The following TARS1 variants were observed in gnomAD, a reference collection of about 807,000 sequenced individuals.
The protein encoded by TARS1 is threonyl-tRNA synthetase 1, also known as threonine--tRNA ligase 1, cytoplasmic.
Under a neutral mutation model 97.7 loss-of-function variants are expected in TARS1, and 57 were observed. That is an observed-to-expected ratio of 0.58 (90% CI 0.47 to 0.73). TARS1 has a LOEUF of 0.73. Among genes scored for constraint, TARS1 ranks in the 30% least tolerant of loss-of-function variants. The pLI, the probability that TARS1 is intolerant of heterozygous loss-of-function variation, is 0.00. For synonymous variants in TARS1, 312 were observed against 293.7 expected, an observed-to-expected ratio of 1.06 and a Z score of -0.64; for missense variants, 806 against 888.3, an observed-to-expected ratio of 0.91 and a Z score of 1.18.
intron 18 of TARS1, 116 bp downstream of exon 18, chr5:33,467,101 G>T: frequency 2.5e-6 from 1 of 392,212 alleles, no homozygotes; most frequent in Non-Finnish European, 4.4e-6. Context: ...TTCCAGTCCT[G>T]ATTTTTTTTC....
At chr5:33,457,470 A>G in intron 9 of TARS1, 67 bp downstream of exon 9, 1 of 1,550,926 alleles carries the variant, frequency 6.4e-7, no homozygotes, top group Non-Finnish European at 8.8e-7. Flanking sequence ...TTTGAAATTC[A>G]GCTGCATGAA....
intron 18 of TARS1, among the ~76,000 whole-genome samples, 176 bp downstream of exon 18, chr5:33,467,161 A>T (rs578159787): frequency 5.0e-5 from 6 of 119,540 alleles, no homozygotes; most frequent in African/African-American, 2.0e-4. Flanking sequence ...TCATGCATAC[A>T]TACTGGGTTT....
intron 4 of TARS1, among the ~76,000 whole-genome samples, chr5:33,453,911 G>C (rs1219116109): frequency 6.6e-6 from 1 of 151,764 alleles, no homozygotes; most frequent in Non-Finnish European, 1.5e-5. Context: ...GTAGAGATGG[G>C]GTTTCACCAT....
At chr5:33,447,241 ATTTTG>A (rs888108573) in intron 2 of TARS1, among the ~76,000 whole-genome samples, 82 of 152,044 alleles carry the variant, frequency 5.4e-4, no homozygotes, top group African/African-American at 1.9e-3. Context: ...TCTCCAGTCA[ATTTTG>A]TTTTGTTTTG....
intron 3 of TARS1, among the ~76,000 whole-genome samples, chr5:33,452,603 A>G (rs1741799852): frequency 6.6e-6 from 1 of 152,094 alleles, no homozygotes; most frequent in Admixed American, 6.5e-5. Context: ...TTTTACTCAC[A>G]TTATATGGAA....
At chr5:33,449,445 CTTTTTTTTTTTTTT>C (rs57691465) in intron 3 of TARS1, among the ~76,000 whole-genome samples, 2 of 69,160 alleles carry the variant, frequency 2.9e-5, no homozygotes, top group Middle Eastern at 0.017. Flanking sequence ...TTTTTTCTTT[CTTTTTTTTTTTTTT>C]TTTTTTTTTT....
At chr5:33,450,839 G>A (rs543112624) in intron 3 of TARS1, among the ~76,000 whole-genome samples, 181 of 152,338 alleles carry the variant, frequency 1.2e-3, no homozygotes, top group African/African-American at 4.3e-3. Context: ...ACATAGCTGG[G>A]CGTGTTGGCT....
At chr5:33,442,320 C>CTTTTTTTTTTTTTTT (rs763508345) in intron 1 of TARS1, among the ~76,000 whole-genome samples, 3 of 104,598 alleles carry the variant, frequency 2.9e-5, no homozygotes, top group African/African-American at 3.6e-5. Context: ...TGTTTTGTAA[C>CTTTTTTTTTTTTTTT]TTTTTTTTTT....
At chr5:33,440,740 CA>C (rs926941602), upstream of TARS1, 19 of 449,498 alleles carry the variant, frequency 4.2e-5, no homozygotes, top group Non-Finnish European at 2.0e-5. Context: ...GGCGCACGCG[CA>C]TTGGGGACTT....
In TARS1 at chr5:33,448,738, G is replaced by A; in HGVS notation, c.329+7G>A. On this transcript the variant is annotated splice_region_variant and intron_variant, in intron 3 of 18. Transcript: ENST00000265112. The stretch of plus-strand genomic sequence containing the variant: ...AAATTGCCTGTGGAATTAGGTATAA[G>A]CTACACCCATCATGACCTTCCATAG... 1.3e-6 allele frequency: 2 copies of A among 1,595,816 alleles called. No individual in the cohort carries two copies. The highest frequency in any genetic ancestry group is 1.1e-5 in the South Asian group (1 of 87,936).
chr5:33,459,637 C>G (rs1052207735), intron 10 of TARS1, 58 bp from the exon 11 acceptor site: 11 of 1,585,720 alleles, frequency 6.9e-6, no homozygotes, highest in Non-Finnish European at 8.6e-6. Context: ...AGTTTTTACT[C>G]CCACTTGAAG....
intron 3 of TARS1, among the ~76,000 whole-genome samples, chr5:33,450,725 C>T (rs1279940866): frequency 1.3e-5 from 2 of 152,184 alleles, no homozygotes; most frequent in African/African-American, 4.8e-5. Context: ...AGTTTGGGAA[C>T]TTTTTCCTCT....
chr5:33,460,873 T>C (rs1264695374), intron 11 of TARS1, 29 bp from the exon 12 acceptor site: 1 of 1,611,854 alleles, frequency 6.2e-7, no homozygotes, highest in Admixed American at 1.7e-5. Context: ...TATTCTTAAG[T>C]GTCCGTGGAC....
intron 3 of TARS1, among the ~76,000 whole-genome samples, chr5:33,451,041 G>C (rs1741707043): frequency 1.3e-5 from 2 of 152,154 alleles, no homozygotes; most frequent in South Asian, 2.1e-4. Context: ...TTGAACTCGG[G>C]AGGTGGAGGT....
At chr5:33,451,447 T>G (rs1232820985) in intron 3 of TARS1, among the ~76,000 whole-genome samples, 1 of 151,248 alleles carries the variant, frequency 6.6e-6, no homozygotes, top group Non-Finnish European at 1.5e-5. Flanking sequence ...CCATCTTGGC[T>G]CACTGCAAGC....
At chr5:33,447,436 A>G (rs1741476190) in intron 2 of TARS1, among the ~76,000 whole-genome samples, 1 of 152,082 alleles carries the variant, frequency 6.6e-6, no homozygotes, top group Non-Finnish European at 1.5e-5. Context: ...TAGTAGAGAT[A>G]GGATTTTGCC....
At chr5:33,454,916 G>C (rs979824820) in intron 4 of TARS1, 29 bp from the exon 5 acceptor site, 1 of 1,611,044 alleles carries the variant, frequency 6.2e-7, no homozygotes, top group Admixed American at 1.7e-5. Context: ...CCAAGACTCA[G>C]ACCATGCCAT....
rs1397224410 is a variant in TARS1 at position 33,459,732 on chromosome 5, C to T, written c.1121C>T (p.Thr374Ile). 3 of 1,614,160 alleles carry T rather than the reference C, an allele frequency of 1.9e-6. No homozygotes were observed. Among genetic ancestry groups the T allele is most frequent in the African/African-American group, 1.3e-5 (1 of 75,040 alleles). ...YRKRGFQEVV[T>I]PNIFNSRLWM... ...AAAAGAGGATTCCAGGAGGTAGTCACCCCAAACATCTTCAACAGCCGACTC... is the reference window on the plus strand; with the variant it reads ...AAAAGAGGATTCCAGGAGGTAGTCATCCCAAACATCTTCAACAGCCGACTC... The change falls in exon 11 of 19, where the codon ACC (threonine) becomes ATC (isoleucine). Residue 374 changes from threonine to isoleucine, a missense_variant. By Grantham distance (89) the Thr-to-Ile change is moderately conservative. Around this residue, in one of 3 missense-constraint regions of TARS1, gnomAD observed 446 missense variants for 511.0 expected, o/e 0.87. Coordinates refer to ENST00000265112, the MANE Select transcript of TARS1 (RefSeq NM_152295.5).
intron 17 of TARS1, 33 bp from the exon 18 acceptor site, chr5:33,466,838 G>T: frequency 6.8e-7 from 1 of 1,473,944 alleles, no homozygotes; most frequent in Non-Finnish European, 9.4e-7. Flanking sequence ...TCTGATTTTA[G>T]ATCTGACAAA....
Sources: allele counts gnomAD v4.1 joint callset (sites outside exome capture counted in the v4.1 genomes callset), GRCh38; gene constraint gnomAD v4.1.1; regional missense constraint gnomAD v4.1.1; transcripts MANE v1.5; gene names NCBI Gene and HGNC (gene_info 2026-07-23, HGNC 2026-07-21).